The following FAN1 variants were observed in gnomAD, a reference collection of about 807,000 sequenced individuals.
The protein encoded by FAN1 is FANCD2 and FANCI associated nuclease 1.
A neutral mutation model predicts 104.9 loss-of-function variants in FAN1; 91 were observed. The observed-to-expected ratio is 0.87, with a 90% confidence interval of 0.73 to 1.03. The LOEUF is 1.03. FAN1 is among the 50% of genes least tolerant of loss of function. The probability of loss-of-function intolerance (pLI) is 0.00; values close to 1 mark genes in which losing one functional copy is unlikely to be tolerated. For synonymous variants in FAN1, 478 were observed against 457.6 expected, an observed-to-expected ratio of 1.04 and a Z score of -0.57; for missense variants, 1,263 against 1,239.9, an observed-to-expected ratio of 1.02 and a Z score of -0.28.
intron 8 of FAN1, among the ~76,000 whole-genome samples, chr15:30,923,818 TC>T (rs2140932700): frequency 6.6e-6 from 1 of 152,354 alleles, no homozygotes; most frequent in African/African-American, 2.4e-5. Flanking sequence ...ATTTTTTCTT[TC>T]ACTTTTTATG....
At chr15:30,932,737 G>C (rs1425267187) in intron 13 of FAN1, among the ~76,000 whole-genome samples, 2 of 123,850 alleles carry the variant, frequency 1.6e-5, no homozygotes, top group Non-Finnish European at 3.2e-5. Flanking sequence ...TTTTTGAGAT[G>C]GAGTCTCGCT....
intron 6 of FAN1, 136 bp downstream of exon 6, chr15:30,918,431 G>T (rs562313797): frequency 5.9e-6 from 5 of 849,338 alleles, no homozygotes; most frequent in African/African-American, 5.1e-5. Context: ...AATTTTGTGC[G>T]TGCTTTGCCT....
chr15:30,919,981 T>A (rs1309506490), intron 6 of FAN1, among the ~76,000 whole-genome samples: 2 of 152,198 alleles, frequency 1.3e-5, no homozygotes, highest in Non-Finnish European at 2.9e-5. Flanking sequence ...TAGATTACTA[T>A]AAACAGAGGT....
chr15:30,909,948 A>G (rs930155053), intron 3 of FAN1, among the ~76,000 whole-genome samples: 4 of 152,204 alleles, frequency 2.6e-5, no homozygotes, highest in Non-Finnish European at 5.9e-5. Context: ...AAATTTGCCT[A>G]TTCATTTAAT....
Position 30,904,699 on chromosome 15 carries a change from G to T in FAN1, c.36G>T (p.Arg12Ser). 1 of 1,605,862 alleles carries T rather than the reference G, an allele frequency of 6.2e-7. No individual in the cohort carries two copies. The highest frequency in any genetic ancestry group is 8.5e-7 in the Non-Finnish European group (1 of 1,175,950). Residue 12 changes from arginine to serine, a missense_variant, in exon 2 of 15, where the codon AGG becomes AGT. Physicochemically the swap from Arg to Ser is moderately radical, Grantham distance 110. Around this residue, in one of 2 missense-constraint regions of FAN1, gnomAD observed 682 missense variants for 571.1 expected, o/e 1.19. Transcript: ENST00000362065. The part of the protein sequence containing the change: ...MSEGKPPDKK[R>S]PRRSLSISKN... ...AAGGGAAACCTCCTGACAAAAAAAG[G>T]CCTCGTAGAAGCTTATCAATCAGCA...
intron 12 of FAN1, among the ~76,000 whole-genome samples, chr15:30,929,835 A>G (rs1397025326): frequency 2.5e-5 from 2 of 79,166 alleles, no homozygotes; most frequent in African/African-American, 1.5e-4. Context: ...CATATATAAT[A>G]TAATATATAA....
intron 7 of FAN1, among the ~76,000 whole-genome samples, chr15:30,921,145 G>C (rs1195971140): frequency 6.6e-6 from 1 of 152,172 alleles, no homozygotes; most frequent in East Asian, 1.9e-4. Context: ...CTGTCTCTTG[G>C]ATTAGTAGAG....
At chr15:30,940,256 T>C (rs2062994802) in intron 14 of FAN1, 1 of 982,828 alleles carries the variant, frequency 1.0e-6, no homozygotes, top group Non-Finnish European at 1.2e-6. Context: ...AGGTAGGCTC[T>C]TGTCACACAG....
At position 30,927,619 on chromosome 15, in the gene FAN1, G is replaced by C. The variant is rs2062498714; in HGVS notation, c.2489-934G>C. On this transcript the variant is annotated intron_variant, in intron 10 of 14. Transcript: ENST00000362065. Reference sequence around the variant, plus strand: ...ATGGGTTGGGGCCTGTAAATGTCAGGTGGGACCAGCCAGAGGAGCTTTGCT... The same window carrying C: ...ATGGGTTGGGGCCTGTAAATGTCAGCTGGGACCAGCCAGAGGAGCTTTGCT... 7.1e-6 allele frequency: 7 copies of C among 985,440 alleles called. No individual in the cohort carries two copies. The South Asian group carries it at 2.8e-4, about 40-fold the overall frequency. 61.0% of individuals were successfully genotyped at this position (985,440 alleles called of 1,614,324 possible). A position where few individuals can be genotyped will look rare whatever the true frequency, so the allele number is the denominator to read the frequency against.
chr15:30,941,297 T>C, intron 14 of FAN1: 1 of 1,516,850 alleles, frequency 6.6e-7, no homozygotes, highest in Non-Finnish European at 8.8e-7. Flanking sequence ...TACATCTCTC[T>C]TAAAATAAGT....
At chr15:30,924,826 A>C (rs1157301901) in intron 8 of FAN1, among the ~76,000 whole-genome samples, 1 of 152,050 alleles carries the variant, frequency 6.6e-6, no homozygotes, top group East Asian at 1.9e-4. Flanking sequence ...TTTTCCTGTA[A>C]AGTCAGGTAC....
chr15:30,915,002 C>T (rs1310068583), intron 5 of FAN1, among the ~76,000 whole-genome samples: 1 of 151,918 alleles, frequency 6.6e-6, no homozygotes. Context: ...GATATTTGTA[C>T]TCCCATGTCT....
At chr15:30,925,042 CAG>C (rs2062424797) in intron 8 of FAN1, 83 bp from the exon 9 acceptor site, 2 of 1,396,278 alleles carry the variant, frequency 1.4e-6, no homozygotes, top group Non-Finnish European at 2.0e-6. Flanking sequence ...CAATAATAAA[CAG>C]TGGGCTTTTC....
intron 14 of FAN1, chr15:30,941,330 T>C: frequency 6.5e-7 from 1 of 1,532,172 alleles, no homozygotes; most frequent in Non-Finnish European, 8.7e-7. Context: ...TGATTCAACA[T>C]GTTTTTAAAT....
Position 30,928,571 on chromosome 15 carries a change from C to G in FAN1, c.2507C>G (p.Ser836Cys). ...GTCTTAGGGATTCATGGCGAAGGGT[C>G]CACCTTCAGCACCCTGTATGGCCTC... is the stretch of plus-strand genomic sequence containing the variant. ...GFDQGIHGEG[S>C]TFSTLYGLLL... Residue 836 changes from serine to cysteine, a missense_variant, in exon 11 of 15, where the codon TCC becomes TGC. By Grantham distance (112) the Ser-to-Cys change is moderately radical. Coordinates refer to ENST00000362065, the MANE Select transcript of FAN1 (RefSeq NM_014967.5). 1.2e-6 allele frequency: 2 copies of G among 1,609,358 alleles called. No individual in the cohort carries two copies. The highest frequency in any genetic ancestry group is 1.7e-6 in the Non-Finnish European group (2 of 1,178,916).
Position 30,933,682 on chromosome 15 carries a change from T to G in FAN1, c.2916+3011T>G, listed in dbSNP as rs184876596. ...TAAGTTGTCTGTGTCCTTACTGATT[T>G]CTTATTTACTTGTTCTATAAATTAT... On this transcript the variant is annotated intron_variant, in intron 13 of 14. Coordinates refer to ENST00000362065, the MANE Select transcript of FAN1 (RefSeq NM_014967.5). 3.4e-3 allele frequency among the ~76,000 whole-genome samples: 521 copies of G among 152,324 alleles called. 1 individual carries two copies. The highest frequency in any genetic ancestry group is 6.8e-3 in the Middle Eastern group (2 of 294).
chr15:30,941,164 A>G (rs1347447603), intron 14 of FAN1: 3 of 1,319,332 alleles, frequency 2.3e-6, no homozygotes, highest in Non-Finnish European at 3.0e-6. Flanking sequence ...TGACTATCAG[A>G]TAGCCTTCAG....
At chr15:30,937,939 T>A (rs1285556160) in intron 14 of FAN1, among the ~76,000 whole-genome samples, 3 of 150,992 alleles carry the variant, frequency 2.0e-5, no homozygotes, top group African/African-American at 7.3e-5. Context: ...CCCAGCACTT[T>A]GGGAGGCTGA....
intron 9 of FAN1, 56 bp downstream of exon 9, chr15:30,925,347 G>A (rs976836135): frequency 1.3e-6 from 2 of 1,502,716 alleles, no homozygotes; most frequent in African/African-American, 2.8e-5. Context: ...TGGTTTTTTT[G>A]GACCAGAAGC....
Sources: allele counts gnomAD v4.1 joint callset (sites outside exome capture counted in the v4.1 genomes callset), GRCh38; gene constraint gnomAD v4.1.1; regional missense constraint gnomAD v4.1.1; transcripts MANE v1.5; gene names NCBI Gene and HGNC (gene_info 2026-07-23, HGNC 2026-07-21).